RNF128: variants seen among roughly 807,000 people sequenced by gnomAD.
The protein encoded by RNF128 is ring finger protein 128, also known as E3 ubiquitin-protein ligase RNF128.
RNF128 carries 13 observed loss-of-function variants against 26.2 expected under a neutral mutation model. That is an observed-to-expected ratio of 0.50 (90% confidence interval 0.32 to 0.79). The LOEUF is 0.79. Ranked by LOEUF, RNF128 falls within the 30% of genes least tolerant of loss-of-function variation. RNF128 has a pLI of 0.03. For synonymous variants in RNF128, 149 were observed against 142.5 expected, an observed-to-expected ratio of 1.05 and a Z score of -0.32; for missense variants, 315 against 349.7, an observed-to-expected ratio of 0.90 and a Z score of 0.79.
At chrX:106,724,095 C>T (rs1380660058), upstream of RNF128, among the ~76,000 whole-genome samples, 1 of 111,270 alleles carries the variant, frequency 9.0e-6, no homozygotes, top group Non-Finnish European at 1.9e-5. Context: ...TCTCCTTCTA[C>T]CCATTCTATA....
chrX:106,755,306 C>A (rs1460796359), intron 1 of RNF128, among the ~76,000 whole-genome samples: 1 of 111,638 alleles, frequency 9.0e-6, no homozygotes, highest in Non-Finnish European at 1.9e-5. Context: ...CCAATGACTT[C>A]ACTGCTGATT....
At chrX:106,695,569 GAC>G (rs1298236298) in intron 1 of RNF128, among the ~76,000 whole-genome samples, 1 of 111,665 alleles carries the variant, frequency 9.0e-6, no homozygotes, top group East Asian at 2.8e-4. Flanking sequence ...TACCTTTTGT[GAC>G]ACATCCTGGA....
chrX:106,755,478 G>A (rs1929987862), intron 1 of RNF128, among the ~76,000 whole-genome samples: 2 of 110,184 alleles, frequency 1.8e-5, no homozygotes, highest in African/African-American at 6.6e-5. Context: ...AACTACTACA[G>A]GCAAGTCTCT....
At chrX:106,765,828 G>A (rs1156902613) in intron 1 of RNF128, among the ~76,000 whole-genome samples, 4 of 110,103 alleles carry the variant, frequency 3.6e-5, no homozygotes, top group African/African-American at 9.9e-5. Flanking sequence ...TAACTAACTC[G>A]TCATTTATAT....
chrX:106,729,910 A>C (rs1929473340), intron 1 of RNF128, among the ~76,000 whole-genome samples: 1 of 112,273 alleles, frequency 8.9e-6, no homozygotes, highest in Non-Finnish European at 1.9e-5. Flanking sequence ...CTTATCTTGG[A>C]TCATAGTGGC....
Position 106,729,318 on chromosome X carries a change from GTCCTTGGTAGGATTATTTAACTTT to G in RNF128, c.484+1922_484+1945del, listed in dbSNP as rs1456679472. Reference sequence around the variant, plus strand: ...TGGATTTACCACACAATAGCTTTGTGTCCTTGGTAGGATTATTTAACTTTACTGAGCCTTGGATACCCCATCTGT... The same window carrying G: ...TGGATTTACCACACAATAGCTTTGTGACTGAGCCTTGGATACCCCATCTGT... On this transcript the variant is annotated intron_variant, in intron 1 of 6. Coordinates refer to ENST00000255499, the MANE Select transcript of RNF128 (RefSeq NM_194463.2). 2.7e-5 allele frequency among the ~76,000 whole-genome samples: 3 copies of G among 110,951 alleles called. No individual in the cohort carries two copies. The East Asian group carries it at 8.5e-4, about 31-fold the overall frequency.
chrX:106,765,979 T>G (rs1930225838), intron 1 of RNF128, among the ~76,000 whole-genome samples: 1 of 108,906 alleles, frequency 9.2e-6, no homozygotes, highest in African/African-American at 3.4e-5. Context: ...TTTGGTTTTC[T>G]GTCTTGGTGA....
intron 2 of RNF128, among the ~76,000 whole-genome samples, chrX:106,778,076 G>A (rs958605739): frequency 9.0e-6 from 1 of 111,136 alleles, no homozygotes; most frequent in African/African-American, 3.3e-5. Context: ...TACAACATAG[G>A]TGTTTATTAA....
rs1368013221 is a variant in RNF128, at chrX:106,796,959, T to C, written c.*1246T>C. ...TGTCCCAATTTGTATTGATTCTCTTTAAATATAAAATGTAAATAAAATATT... is the reference window on the plus strand; with the variant it reads ...TGTCCCAATTTGTATTGATTCTCTTCAAATATAAAATGTAAATAAAATATT... On this transcript the variant is annotated 3_prime_UTR_variant, in exon 7 of 7. Transcript: ENST00000255499. 2 of 112,527 alleles carry C rather than the reference T, an allele frequency of 1.8e-5. No individual in the cohort carries two copies. Among genetic ancestry groups the C allele is most frequent in the Non-Finnish European group, 3.8e-5 (2 of 53,246 alleles). 9.3% of individuals were successfully genotyped at this position (112,527 alleles called of 1,213,427 possible). A position where few individuals can be genotyped will look rare whatever the true frequency, so the allele number is the denominator to read the frequency against.
intron 1 of RNF128, among the ~76,000 whole-genome samples, chrX:106,718,914 C>G (rs915342182): frequency 4.5e-5 from 5 of 111,435 alleles, no homozygotes; most frequent in African/African-American, 1.6e-4. Flanking sequence ...TTGTTTACTC[C>G]GAGTTATTGA....
upstream of RNF128, among the ~76,000 whole-genome samples, chrX:106,723,016 G>A (rs1929340459): frequency 9.0e-6 from 1 of 111,241 alleles, no homozygotes; most frequent in South Asian, 3.8e-4. Flanking sequence ...CATCAGTCTT[G>A]TCCTCATACA....
chrX:106,760,068 C>G (rs1038594809), intron 1 of RNF128, among the ~76,000 whole-genome samples: 4 of 111,129 alleles, frequency 3.6e-5, no homozygotes, highest in Admixed American at 9.6e-5. Context: ...ATACACCTGA[C>G]ATGCACCCAT....
intron 6 of RNF128, among the ~76,000 whole-genome samples, chrX:106,793,546 A>G (rs2147705906): frequency 9.0e-6 from 1 of 111,086 alleles, no homozygotes; most frequent in Non-Finnish European, 1.9e-5. Context: ...ACTTGACTCA[A>G]ATTTCACCAA....
chrX:106,699,518 C>A (rs60596381), intron 1 of RNF128, among the ~76,000 whole-genome samples: 4,985 of 111,581 alleles, frequency 0.045, 269 homozygotes, highest in African/African-American at 0.16. Context: ...CTGACTACTG[C>A]AAATAGCCTC....
intron 1 of RNF128, among the ~76,000 whole-genome samples, chrX:106,766,796 A>G (rs1328510918): frequency 8.9e-6 from 1 of 111,853 alleles, no homozygotes; most frequent in Admixed American, 9.5e-5. Flanking sequence ...GCCCATGCCT[A>G]TGGCCTGAAT....
At chrX:106,775,874 T>A (rs1930456199) in intron 2 of RNF128, among the ~76,000 whole-genome samples, 1 of 111,827 alleles carries the variant, frequency 8.9e-6, no homozygotes, top group African/African-American at 3.2e-5. Context: ...CTGAAGGTTA[T>A]GATACATGGT....
chrX:106,785,986 T>C (rs776837790), intron 3 of RNF128, among the ~76,000 whole-genome samples: 11 of 111,931 alleles, frequency 9.8e-5, no homozygotes, highest in Non-Finnish European at 1.5e-4. Context: ...GTTGTTAAGA[T>C]GTCGGTTCCC....
chrX:106,785,043 CCTG>C lies in RNF128; in HGVS notation c.733-18_733-16del. The C allele has an allele frequency of 9.0e-7, 1 of 1,112,177 alleles. No individual in the cohort carries two copies. Among genetic ancestry groups the C allele is most frequent in the Non-Finnish European group, 1.2e-6 (1 of 830,376 alleles). 91.7% of individuals were successfully genotyped at this position (1,112,177 alleles called of 1,213,427 possible). ...CTTTTAAAAAATAGTTTTTCTAATA[CCTG>C]CTGTTTTTTTTTTTACAGAGGCAAT... On this transcript the variant is annotated intron_variant, in intron 2 of 6. Transcript: ENST00000255499.
chrX:106,704,301 C>T (rs1220778114), intron 1 of RNF128, among the ~76,000 whole-genome samples: 1 of 109,751 alleles, frequency 9.1e-6, no homozygotes, highest in Non-Finnish European at 1.9e-5. Context: ...GGCGTGGTGG[C>T]TGGCGCCTGT....
Sources: gnomAD v4.1 joint callset for allele counts (sites outside exome capture counted in the v4.1 genomes callset) on GRCh38, gnomAD v4.1.1 for gene constraint, MANE v1.5 for transcripts, NCBI Gene and HGNC (gene_info 2026-07-23, HGNC 2026-07-21) for gene names.